FBXL7: variants seen among roughly 807,000 people sequenced by gnomAD.
The protein encoded by FBXL7 is F-box/LRR-repeat protein 7.
Under a neutral mutation model 38.3 loss-of-function variants are expected in FBXL7, and 12 were observed. The observed-to-expected ratio is 0.31, with a 90% CI of 0.20 to 0.51. The LOEUF is 0.51. FBXL7 is among the 20% of genes least tolerant of loss of function. The pLI is 0.98. For synonymous variants in FBXL7, 297 were observed against 300.9 expected (o/e 0.99, Z 0.13); for missense variants, 567 against 676.4 (o/e 0.84, Z 1.79).
intron 1 of FBXL7, among the ~76,000 whole-genome samples, chr5:15,568,240 A>G (rs1383882706): frequency 6.6e-6 from 1 of 151,852 alleles, no homozygotes; most frequent in Non-Finnish European, 1.5e-5. Context: ...CTATTTCTCC[A>G]CATCCTCTCC....
At chr5:15,544,703 G>A (rs558568289) in intron 1 of FBXL7, among the ~76,000 whole-genome samples, 1 of 152,300 alleles carries the variant, frequency 6.6e-6, no homozygotes, top group East Asian at 1.9e-4. Flanking sequence ...TTGCTTGTGA[G>A]TAGGGAGATT....
intron 3 of FBXL7, among the ~76,000 whole-genome samples, chr5:15,934,975 A>C (rs922045404): frequency 6.6e-5 from 10 of 152,228 alleles, no homozygotes; most frequent in African/African-American, 2.4e-4. Flanking sequence ...AGGGGAGGAA[A>C]GCAGGGGATG....
intron 1 of FBXL7, among the ~76,000 whole-genome samples, chr5:15,574,355 T>G (rs917090414): frequency 3.5e-4 from 54 of 152,314 alleles, no homozygotes. Flanking sequence ...ATAAAATAAC[T>G]CGGGTTCAAC....
At chr5:15,735,981 C>T (rs1052548509) in intron 2 of FBXL7, among the ~76,000 whole-genome samples, 9 of 152,000 alleles carry the variant, frequency 5.9e-5, no homozygotes, top group African/African-American at 1.5e-4. Flanking sequence ...GAGAGCAGGA[C>T]GAATAGTGTT....
intron 2 of FBXL7, among the ~76,000 whole-genome samples, chr5:15,742,082 G>A (rs1455249699): frequency 1.3e-5 from 2 of 152,152 alleles, no homozygotes; most frequent in Non-Finnish European, 2.9e-5. Context: ...CTGCTTAATG[G>A]ACACTTTTGG....
chr5:15,797,880 G>A (rs1346562970), intron 2 of FBXL7, among the ~76,000 whole-genome samples: 1 of 152,180 alleles, frequency 6.6e-6, no homozygotes, highest in South Asian at 2.1e-4. Flanking sequence ...AAAACTTGAA[G>A]TCATCTCAGT....
Position 15,939,216 on chromosome 5 carries a change from G to A in FBXL7, c.*2030G>A. On this transcript the variant is annotated 3_prime_UTR_variant, in exon 4 of 4. Transcript: ENST00000504595. The stretch of plus-strand genomic sequence containing the variant: ...TGGGGGAAATGAATCATTTAGCTAG[G>A]CCAGGATCTAGTGAAAGCCACAGAG... 5.1e-6 allele frequency: 2 copies of A among 395,978 alleles called. No individual in the cohort carries two copies. Among genetic ancestry groups the A allele is most frequent in the Non-Finnish European group, 8.9e-6 (2 of 224,660 alleles). The allele number at this position is 395,978 out of a possible 1,614,324, so 24.5% of individuals were successfully genotyped here.
intron 2 of FBXL7, among the ~76,000 whole-genome samples, chr5:15,714,962 A>C (rs539235607): frequency 6.6e-6 from 1 of 152,182 alleles, no homozygotes; most frequent in African/African-American, 2.4e-5. Flanking sequence ...GGGGCCACAA[A>C]CCAAAGAATG....
chr5:15,659,067 G>C (rs555963643), intron 2 of FBXL7, among the ~76,000 whole-genome samples: 4 of 152,278 alleles, frequency 2.6e-5, no homozygotes, highest in African/African-American at 7.2e-5. Flanking sequence ...GCTGAAGTGT[G>C]AATCAGTTAA....
intron 2 of FBXL7, among the ~76,000 whole-genome samples, chr5:15,737,501 A>C (rs1735786733): frequency 6.6e-6 from 1 of 152,228 alleles, no homozygotes; most frequent in Admixed American, 6.5e-5. Context: ...TACTCCATAA[A>C]GAGTGTCACT....
chr5:15,781,432 A>AGTGTGTGT (rs139787474), intron 2 of FBXL7, among the ~76,000 whole-genome samples: 4 of 143,658 alleles, frequency 2.8e-5, no homozygotes, highest in African/African-American at 1.0e-4. Flanking sequence ...AAATTGTGTG[A>AGTGTGTGT]GTGTGTGTGT....
intron 2 of FBXL7, among the ~76,000 whole-genome samples, chr5:15,764,699 A>G (rs1012797654): frequency 6.6e-6 from 1 of 152,246 alleles, no homozygotes; most frequent in Non-Finnish European, 1.5e-5. Flanking sequence ...TAGTTTCCTC[A>G]TCTGTGATGA....
At chr5:15,576,330 C>T (rs553028147) in intron 1 of FBXL7, among the ~76,000 whole-genome samples, 3 of 152,070 alleles carry the variant, frequency 2.0e-5, no homozygotes, top group South Asian at 2.1e-4. Flanking sequence ...GTGATCCACC[C>T]GCCTTGGCCT....
chr5:15,842,034 G>C (rs1738762801), intron 2 of FBXL7, among the ~76,000 whole-genome samples: 1 of 152,218 alleles, frequency 6.6e-6, no homozygotes, highest in South Asian at 2.1e-4. Context: ...GCTTAGTGGA[G>C]CTGTGATAAG....
intron 2 of FBXL7, among the ~76,000 whole-genome samples, chr5:15,831,982 G>A (rs561833221): frequency 6.6e-6 from 1 of 152,256 alleles, no homozygotes; most frequent in East Asian, 1.9e-4. Context: ...TTCAGGGTAA[G>A]AAAGCAGCCA....
chr5:15,754,170 A>T (rs1006290276), intron 2 of FBXL7, among the ~76,000 whole-genome samples: 5 of 152,160 alleles, frequency 3.3e-5, no homozygotes, highest in African/African-American at 1.2e-4. Context: ...GAATCACTGG[A>T]TTGGATGATT....
intron 2 of FBXL7, 46 bp from the exon 3 acceptor site, chr5:15,927,844 C>G (rs1429390642): frequency 6.8e-7 from 1 of 1,468,976 alleles, no homozygotes; most frequent in African/African-American, 1.4e-5. Flanking sequence ...CCCTGGGGCT[C>G]TGCTGAGGCC....
chr5:15,835,292 A>G (rs1469520159), intron 2 of FBXL7, among the ~76,000 whole-genome samples: 1 of 152,238 alleles, frequency 6.6e-6, no homozygotes, highest in East Asian at 1.9e-4. Context: ...TTTTTCTTCT[A>G]TGTAGCACCA....
At chr5:15,919,600 C>T (rs925442744) in intron 2 of FBXL7, among the ~76,000 whole-genome samples, 1 of 152,008 alleles carries the variant, frequency 6.6e-6, no homozygotes, top group Admixed American at 6.6e-5. Context: ...CTTAGTTTAG[C>T]CAACAGATGA....
Sources: gnomAD v4.1 joint callset for allele counts (sites outside exome capture counted in the v4.1 genomes callset) on GRCh38, gnomAD v4.1.1 for gene constraint, MANE v1.5 for transcripts, NCBI Gene and HGNC (gene_info 2026-07-23, HGNC 2026-07-21) for gene names.